The following CFTR variants were observed in gnomAD, a reference collection of about 807,000 sequenced individuals.
CFTR encodes the protein cystic fibrosis transmembrane conductance regulator.
Under a neutral mutation model 171.6 loss-of-function variants are expected in CFTR, and 181 were observed. That is an observed-to-expected ratio of 1.05 (90% CI 0.93 to 1.19). The LOEUF (loss-of-function observed/expected upper bound fraction) is 1.19, where lower values mean the gene tolerates loss of function less well. Among genes scored for constraint, CFTR ranks in the 50% most tolerant of loss-of-function variants. CFTR has a pLI of 0.00. For missense variants in CFTR, 1,968 were observed against 1,734.7 expected (o/e 1.13, Z -2.39); for synonymous variants, 583 against 608.0 (o/e 0.96, Z 0.60).
intron 11 of CFTR, among the ~76,000 whole-genome samples, chr7:117,586,868 G>C (rs1419001448): frequency 6.6e-6 from 1 of 152,068 alleles, no homozygotes; most frequent in Admixed American, 6.5e-5. Context: ...AGCCTCTAGG[G>C]TATTCTATCT....
chr7:117,575,474 G>C (rs1389078927), intron 11 of CFTR, among the ~76,000 whole-genome samples: 1 of 152,086 alleles, frequency 6.6e-6, no homozygotes, highest in Non-Finnish European at 1.5e-5. Context: ...TTGCTAGAGG[G>C]AATGTGATTG....
At chr7:117,651,345 T>A (rs1457155332) in intron 23 of CFTR, among the ~76,000 whole-genome samples, 1 of 152,234 alleles carries the variant, frequency 6.6e-6, no homozygotes. Context: ...CAAGGCTTTT[T>A]AACTTTATAT....
intron 9 of CFTR, among the ~76,000 whole-genome samples, chr7:117,546,056 C>T (rs530007825): frequency 4.2e-4 from 64 of 151,970 alleles, no homozygotes; most frequent in Non-Finnish European, 7.2e-4. Context: ...TGCAGTGGTG[C>T]GATCTTGGCT....
chr7:117,548,566 A>G, intron 9 of CFTR, 75 bp from the exon 10 acceptor site: 1 of 1,564,568 alleles, frequency 6.4e-7, no homozygotes, highest in Non-Finnish European at 8.7e-7. Flanking sequence ...TAAAACAAGC[A>G]TCTATTGAAA....
chr7:117,546,239 G>A lies in CFTR; in HGVS notation c.1210-2402G>A, dbSNP rs570615834. On this transcript the variant is annotated intron_variant, in intron 9 of 26. Coordinates refer to ENST00000003084, the MANE Select transcript of CFTR (RefSeq NM_000492.4). ...GAACTCCTGACCTCGTGATCCACTC[G>A]CCTCGGCCTCCCAAAGTGCTGGGAT... Among the ~76,000 whole-genome samples, 16 of 151,896 alleles carry A rather than the reference G, an allele frequency of 1.1e-4. No individual in the cohort carries two copies. In the South Asian group the frequency reaches 2.7e-3, roughly 26 times the overall value.
intron 15 of CFTR, 85 bp from the exon 16 acceptor site, chr7:117,602,741 G>A (rs1197811469): frequency 9.6e-7 from 1 of 1,044,006 alleles, no homozygotes; most frequent in Non-Finnish European, 1.5e-6. Flanking sequence ...CACATCAAAT[G>A]GTGTGATGTG....
At chr7:117,535,173 T>G in intron 5 of CFTR, 75 bp from the exon 6 acceptor site, 1 of 1,508,318 alleles carries the variant, frequency 6.6e-7, no homozygotes, top group Non-Finnish European at 9.2e-7. Flanking sequence ...ACTTGCTTTC[T>G]TTCATATATG....
At chr7:117,544,856 T>C (rs186304297) in intron 9 of CFTR, among the ~76,000 whole-genome samples, 32 of 152,336 alleles carry the variant, frequency 2.1e-4, no homozygotes, top group Admixed American at 2.0e-3. Context: ...ATTAAAACTG[T>C]TATACTCTTG....
chr7:117,582,795 A>G (rs1403033645), intron 11 of CFTR, among the ~76,000 whole-genome samples: 1 of 152,140 alleles, frequency 6.6e-6, no homozygotes, highest in African/African-American at 2.4e-5. Context: ...TTCTTAAAGC[A>G]TTTTCTCCTT....
In CFTR at chr7:117,590,367, A is replaced by T; in HGVS notation, c.1694A>T (p.Asp565Val). ...RISLARAVYKDADLYLLDSPF... is the reference protein window; with the variant it reads ...RISLARAVYKVADLYLLDSPF... ...TTTCTTTTTAGAGCAGTATACAAAG[A>T]TGCTGATTTGTATTTATTAGACTCT... is the stretch of plus-strand genomic sequence containing the variant. Residue 565 changes from aspartate (D) to valine (V), a missense_variant, in exon 13 of 27, where the codon GAT (aspartate) becomes GTT (valine). Asp to Val is a radical substitution (Grantham distance 152). Coordinates refer to ENST00000003084, the MANE Select transcript of CFTR (RefSeq NM_000492.4). The T allele has an allele frequency of 4.4e-6, 7 of 1,603,140 alleles. No individual in the cohort carries two copies. The highest frequency in any genetic ancestry group is 1.3e-5 in the African/African-American group (1 of 74,826).
chr7:117,550,527 C>A (rs980817544), intron 10 of CFTR, among the ~76,000 whole-genome samples: 1 of 152,000 alleles, frequency 6.6e-6, no homozygotes, highest in African/African-American at 2.4e-5. Flanking sequence ...GCAGTGTTCA[C>A]TATTAAAAAA....
chr7:117,562,065 C>T (rs1791511650), intron 11 of CFTR, among the ~76,000 whole-genome samples: 1 of 152,134 alleles, frequency 6.6e-6, no homozygotes, highest in African/African-American at 2.4e-5. Context: ...ATGAGATGTA[C>T]ATGTAATGTA....
chr7:117,590,536 T>G, intron 13 of CFTR, 97 bp downstream of exon 13: 1 of 1,399,150 alleles, frequency 7.1e-7, no homozygotes, highest in Non-Finnish European at 9.7e-7. Context: ...TTGAGAAATA[T>G]GTTCACCATT....
chr7:117,590,781 TTAG>T (rs1048441191), intron 13 of CFTR, among the ~76,000 whole-genome samples: 1 of 152,088 alleles, frequency 6.6e-6, no homozygotes, highest in Non-Finnish European at 1.5e-5. Context: ...ACTTTTTGTG[TTAG>T]TATTTTATTC....
At chr7:117,555,344 G>T (rs1799334242) in intron 10 of CFTR, among the ~76,000 whole-genome samples, 1 of 152,080 alleles carries the variant, frequency 6.6e-6, no homozygotes, top group African/African-American at 2.4e-5. Context: ...AAACCATAAT[G>T]GCATAAAACT....
Position 117,661,984 on chromosome 7 carries a change from A to G in CFTR, c.3964-2704A>G, listed in dbSNP as rs1337904429. On this transcript the variant is annotated intron_variant, in intron 24 of 26. Transcript: ENST00000003084. Reference sequence around the variant, plus strand: ...CTTTTCTTGCTGGTTAATTTTACTGAAAAAAAAAAAAAAAAAAAAAAACCC... The same window carrying G: ...CTTTTCTTGCTGGTTAATTTTACTGGAAAAAAAAAAAAAAAAAAAAAACCC... Among the ~76,000 whole-genome samples, 7 of 42,570 alleles carry G rather than the reference A, an allele frequency of 1.6e-4. No homozygotes were observed. In the South Asian group the frequency reaches 3.0e-3, roughly 19 times the overall value. 27.9% of individuals were successfully genotyped at this position (42,570 alleles called of 152,430 possible). A position where few individuals can be genotyped will look rare whatever the true frequency, so the allele number is the denominator to read the frequency against.
In CFTR at chr7:117,570,365, C is replaced by A. The variant is rs549442499; in HGVS notation, c.1584+10710C>A. Reference sequence around the variant, plus strand: ...GGAAGCGTAGTGCTTAGTGTTCTAGCCTTTGTAGCACAGGAAAGGGCCTGG... The same window carrying A: ...GGAAGCGTAGTGCTTAGTGTTCTAGACTTTGTAGCACAGGAAAGGGCCTGG... On this transcript the variant is annotated intron_variant, in intron 11 of 26. Coordinates refer to ENST00000003084, the MANE Select transcript of CFTR (RefSeq NM_000492.4). Among the ~76,000 whole-genome samples, 6 of 152,184 alleles carry A rather than the reference C, an allele frequency of 3.9e-5. No homozygotes were observed. In the East Asian group the frequency reaches 9.7e-4, roughly 25 times the overall value.
intron 21 of CFTR, among the ~76,000 whole-genome samples, chr7:117,619,787 T>C (rs1020721916): frequency 6.6e-6 from 1 of 152,212 alleles, no homozygotes; most frequent in Admixed American, 6.5e-5. Context: ...GGCTTGTGGA[T>C]AGATTTCTGT....
At chr7:117,607,748 A>C (rs2116072748) in intron 18 of CFTR, among the ~76,000 whole-genome samples, 1 of 152,318 alleles carries the variant, frequency 6.6e-6, no homozygotes, top group East Asian at 1.9e-4. Context: ...GTGCAGAAAA[A>C]CCAGACTGTC....
Sources: allele counts gnomAD v4.1 joint callset (sites outside exome capture counted in the v4.1 genomes callset), GRCh38; gene constraint gnomAD v4.1.1; transcripts MANE v1.5; gene names NCBI Gene and HGNC (gene_info 2026-07-23, HGNC 2026-07-21).